The following SPAG9 variants were observed in gnomAD, a reference collection of about 807,000 sequenced individuals.
SPAG9 encodes the protein C-Jun-amino-terminal kinase-interacting protein 4.
SPAG9 carries 35 observed loss-of-function variants against 166.5 expected under a neutral mutation model. The observed-to-expected ratio is 0.21, with a 90% CI of 0.16 to 0.28. The LOEUF (loss-of-function observed/expected upper bound fraction) is 0.28, where lower values mean the gene tolerates loss of function less well. Among genes scored for constraint, SPAG9 ranks in the 10% least tolerant of loss-of-function variants. SPAG9 has a pLI of 1.00. For synonymous variants in SPAG9, 534 were observed against 565.5 expected, an observed-to-expected ratio of 0.94 and a Z score of 0.79; for missense variants, 1,235 against 1,603.3, an observed-to-expected ratio of 0.77 and a Z score of 3.92.
At chr17:51,054,335 C>T (rs2047298022) in intron 3 of SPAG9, among the ~76,000 whole-genome samples, 1 of 151,756 alleles carries the variant, frequency 6.6e-6, no homozygotes, top group African/African-American at 2.4e-5. Context: ...GTTGCCCAGG[C>T]TGGTCTCAAA....
rs1438268284 is a variant in SPAG9 at position 50,964,815 on chromosome 17, C to CGA, written c.*1456_*1457insTC. On this transcript the variant is annotated 3_prime_UTR_variant, in exon 30 of 30. Coordinates refer to ENST00000262013, the MANE Select transcript of SPAG9 (RefSeq NM_001130528.3). The stretch of plus-strand genomic sequence containing the variant: ...TCACCCAGGCTGGAGTGCAGTGGTG[C>CGA]TATCAAGGCTCACTGCAACCTCCAC... 1.6e-5 allele frequency: 6 copies of CGA among 384,342 alleles called. No individual in the cohort carries two copies. Among genetic ancestry groups the CGA allele is most frequent in the Non-Finnish European group, 2.7e-5 (5 of 188,536 alleles). The allele number at this position is 384,342 out of a possible 1,614,324, so 23.8% of individuals were successfully genotyped here.
chr17:51,048,264 A>AAATT (rs1232988662), intron 3 of SPAG9, among the ~76,000 whole-genome samples: 1 of 152,114 alleles, frequency 6.6e-6, no homozygotes, highest in African/African-American at 2.4e-5. Context: ...TTTCACTTTT[A>AAATT]AAAAGCCTAA....
At chr17:51,081,525 C>G (rs1218250630) in intron 1 of SPAG9, among the ~76,000 whole-genome samples, 1 of 151,972 alleles carries the variant, frequency 6.6e-6, no homozygotes, top group Non-Finnish European at 1.5e-5. Context: ...GAGCAGATCA[C>G]CTGAGGTCAG....
Position 51,006,244 on chromosome 17 carries a change from AAC to A in SPAG9, c.1272-9_1272-8del. ...CACTATGTTCAAAGCATTTCTAAGA[AAC>A]ACATATTTCAAGTGCATCATTACAA... is the stretch of plus-strand genomic sequence containing the variant. On this transcript the variant is annotated splice_region_variant and splice_polypyrimidine_tract_variant and intron_variant, in intron 10 of 29. Transcript: ENST00000262013. 1.2e-6 allele frequency: 2 copies of A among 1,612,900 alleles called. No homozygotes were observed. The highest frequency in any genetic ancestry group is 1.7e-6 in the Non-Finnish European group (2 of 1,179,306).
chr17:51,089,383 C>T (rs367768575), intron 1 of SPAG9, among the ~76,000 whole-genome samples: 1 of 151,334 alleles, frequency 6.6e-6, no homozygotes, highest in African/African-American at 2.4e-5. Flanking sequence ...GAGACTGTGC[C>T]ATTGCACTCC....
At chr17:51,037,685 A>AGTGT (rs746475393) in intron 5 of SPAG9, among the ~76,000 whole-genome samples, 2,594 of 83,454 alleles carry the variant, frequency 0.031, 155 homozygotes, top group Middle Eastern at 0.063. Flanking sequence ...ATATATATAT[A>AGTGT]GTGTGTGTGT....
chr17:51,079,294 A>G (rs193037359), intron 2 of SPAG9, among the ~76,000 whole-genome samples: 45 of 151,672 alleles, frequency 3.0e-4, no homozygotes, highest in Non-Finnish European at 5.9e-4. Context: ...GCTGGAGTGC[A>G]GTGGCACCAT....
intron 8 of SPAG9, among the ~76,000 whole-genome samples, chr17:51,017,058 G>A (rs2045728309): frequency 6.6e-6 from 1 of 152,174 alleles, no homozygotes; most frequent in African/African-American, 2.4e-5. Context: ...ATGAAAGGAT[G>A]GTGGTTTAGG....
chr17:50,980,893 C>G (rs1974549299), intron 25 of SPAG9, among the ~76,000 whole-genome samples: 1 of 151,966 alleles, frequency 6.6e-6, no homozygotes. Flanking sequence ...TCTCAGCTAC[C>G]TGGGAGGCTG....
At chr17:51,053,854 AGTATATATATATATATATATATATATAT>A (rs201707255) in intron 3 of SPAG9, among the ~76,000 whole-genome samples, 8 of 34,452 alleles carry the variant, frequency 2.3e-4, no homozygotes, top group Non-Finnish European at 3.2e-4. Flanking sequence ...AAAAAAAAAA[AGTATATATATATATATATATATATATAT>A]ATATATATAT....
intron 21 of SPAG9, 42 bp from the exon 22 acceptor site, chr17:50,987,279 A>T: frequency 6.4e-7 from 1 of 1,562,404 alleles, no homozygotes; most frequent in East Asian, 2.3e-5. Context: ...GAGTATACTT[A>T]ACTATCGTTA....
chr17:51,046,407 A>G, intron 4 of SPAG9: 1 of 845,050 alleles, frequency 1.2e-6, no homozygotes, highest in Non-Finnish European at 1.8e-6. Context: ...CATTGTTTCA[A>G]TCTGCAACAG....
intron 5 of SPAG9, among the ~76,000 whole-genome samples, chr17:51,038,720 T>C (rs2046716757): frequency 6.6e-6 from 1 of 152,178 alleles, no homozygotes; most frequent in Non-Finnish European, 1.5e-5. Flanking sequence ...CATGTCAGGA[T>C]GAAAGTCATC....
chr17:51,096,750 A>T (rs2048659739), intron 1 of SPAG9, among the ~76,000 whole-genome samples: 1 of 152,216 alleles, frequency 6.6e-6, no homozygotes, highest in African/African-American at 2.4e-5. Flanking sequence ...ACATGGACAG[A>T]TCAACAGGTA....
intron 1 of SPAG9, among the ~76,000 whole-genome samples, chr17:51,113,372 G>GAAAGA (rs2049181743): frequency 7.9e-6 from 1 of 125,912 alleles, no homozygotes; most frequent in Non-Finnish European, 1.7e-5. Flanking sequence ...AAAAAAAAAA[G>GAAAGA]AAAGAAAAGA....
At chr17:51,044,452 G>T (rs1241598294) in intron 4 of SPAG9, among the ~76,000 whole-genome samples, 4 of 152,098 alleles carry the variant, frequency 2.6e-5, no homozygotes, top group Non-Finnish European at 5.9e-5. Context: ...ATCCATTTTT[G>T]AGTTGGTTAT....
At chr17:51,040,628 C>G (rs2046801124) in intron 5 of SPAG9, among the ~76,000 whole-genome samples, 1 of 152,098 alleles carries the variant, frequency 6.6e-6, no homozygotes, top group Non-Finnish European at 1.5e-5. Flanking sequence ...GTAAATAAAC[C>G]TCATAGAATT....
At chr17:51,075,195 C>CAAAAAAAAAA (rs57533555) in intron 2 of SPAG9, among the ~76,000 whole-genome samples, 26 of 28,906 alleles carry the variant, frequency 9.0e-4, no homozygotes, top group African/African-American at 1.1e-3. Context: ...GACTCCATCT[C>CAAAAAAAAAA]AAAAAAAAAA....
chr17:51,113,956 C>A (rs2144792418), intron 1 of SPAG9, among the ~76,000 whole-genome samples: 1 of 152,274 alleles, frequency 6.6e-6, no homozygotes, highest in Admixed American at 6.5e-5. Context: ...GATTACACCA[C>A]TGCACTCTGG....
Sources: allele counts gnomAD v4.1 joint callset (sites outside exome capture counted in the v4.1 genomes callset), GRCh38; gene constraint gnomAD v4.1.1; transcripts MANE v1.5; gene names NCBI Gene and HGNC (gene_info 2026-07-23, HGNC 2026-07-21).